Variants in ARAP2 observed in about 807,000 individuals in gnomAD.
The protein encoded by ARAP2 is arf-GAP with Rho-GAP domain, ANK repeat and PH domain-containing protein 2.
In ARAP2, 148 loss-of-function variants were observed where a neutral mutation model predicts 194.5. The observed-to-expected ratio is 0.76, with a 90% CI of 0.67 to 0.87. ARAP2 has a LOEUF of 0.87. Among genes scored for constraint, ARAP2 ranks in the 40% least tolerant of loss-of-function variants. The pLI is 0.00. For missense variants in ARAP2, 2,128 were observed against 1,989.7 expected (o/e 1.07, Z -1.32); for synonymous variants, 695 against 683.5 (o/e 1.02, Z -0.26).
chr4:36,131,837 A>G (rs1476407278), intron 20 of ARAP2, among the ~76,000 whole-genome samples: 8 of 151,776 alleles, frequency 5.3e-5, no homozygotes, highest in Admixed American at 5.3e-4. Context: ...GACTGTAACA[A>G]ATGAAGGTAA....
In ARAP2 at chr4:36,158,729, C is replaced by T; in HGVS notation, c.2752+1G>A. ...ATATCTAAAAAGAAGAGAAAAAATACCTTCAAGCAGTTTTTTCTCTGAAGA... is the reference window on the plus strand; with the variant it reads ...ATATCTAAAAAGAAGAGAAAAAATATCTTCAAGCAGTTTTTTCTCTGAAGA... On this transcript the variant is annotated splice_donor_variant, in intron 15 of 32. Coordinates refer to ENST00000303965, the MANE Select transcript of ARAP2 (RefSeq NM_015230.4). LOFTEE classifies it high-confidence loss of function. The T allele has an allele frequency of 6.3e-7, 1 of 1,597,574 alleles. No homozygotes were observed. Among genetic ancestry groups the T allele is most frequent in the Non-Finnish European group, 8.5e-7 (1 of 1,174,478 alleles).
At chr4:36,205,925 T>C (rs1745444344) in intron 6 of ARAP2, among the ~76,000 whole-genome samples, 1 of 152,232 alleles carries the variant, frequency 6.6e-6, no homozygotes, top group Non-Finnish European at 1.5e-5. Flanking sequence ...AGCTAGTGCT[T>C]TGAGAAATGC....
chr4:36,036,042 T>C (rs1191370042), intron 5 of ARAP2, among the ~76,000 whole-genome samples: 1 of 152,178 alleles, frequency 6.6e-6, no homozygotes, highest in Admixed American at 6.6e-5. Flanking sequence ...AGTTTTAAAA[T>C]AGGTCTTGCT....
intron 6 of ARAP2, among the ~76,000 whole-genome samples, chr4:36,203,716 C>T (rs955334794): frequency 6.6e-6 from 1 of 152,040 alleles, no homozygotes; most frequent in Non-Finnish European, 1.5e-5. Flanking sequence ...AAAAACCTAC[C>T]ATGATCGTCT....
intron 5 of ARAP2, among the ~76,000 whole-genome samples, chr4:36,031,024 G>A (rs1718858819): frequency 6.6e-6 from 1 of 152,090 alleles, no homozygotes; most frequent in Non-Finnish European, 1.5e-5. Context: ...CAGCTACTCG[G>A]GAGGCTGAGG....
intron 28 of ARAP2, among the ~76,000 whole-genome samples, chr4:36,083,808 A>G (rs901191041): frequency 4.6e-5 from 7 of 152,090 alleles, no homozygotes; most frequent in Non-Finnish European, 1.0e-4. Context: ...GATGCAAGGT[A>G]TTGTTCCTGG....
intron 2 of ARAP2, 83 bp downstream of exon 2, chr4:36,228,499 G>A (rs1750807078): frequency 3.6e-6 from 5 of 1,389,430 alleles, no homozygotes; most frequent in East Asian, 2.3e-5. Context: ...AATTTAGATA[G>A]GAACACTGAA....
intron 19 of ARAP2, among the ~76,000 whole-genome samples, chr4:36,134,186 G>T (rs1003803817): frequency 6.6e-6 from 1 of 151,654 alleles, no homozygotes; most frequent in Admixed American, 6.6e-5. Context: ...CTCAATAGAC[G>T]TAACATTAAT....
chr4:36,204,864 C>T (rs1357642075), intron 6 of ARAP2, among the ~76,000 whole-genome samples: 1 of 151,534 alleles, frequency 6.6e-6, no homozygotes, highest in Non-Finnish European at 1.5e-5. Flanking sequence ...TGGCAGGCGC[C>T]TGTAATCCCG....
chr4:36,011,666 TCTC>T (rs1293999745), intron 9 of ARAP2, among the ~76,000 whole-genome samples: 1 of 152,144 alleles, frequency 6.6e-6, no homozygotes, highest in African/African-American at 2.4e-5. Flanking sequence ...GCACCCTCAT[TCTC>T]CTCCTTATAT....
intron 26 of ARAP2, among the ~76,000 whole-genome samples, chr4:36,112,633 C>T (rs562214277): frequency 1.3e-5 from 2 of 151,698 alleles, no homozygotes; most frequent in African/African-American, 4.8e-5. Flanking sequence ...TCATGCCTCA[C>T]TTATTCAATA....
intron 9 of ARAP2, among the ~76,000 whole-genome samples, chr4:36,009,354 G>T (rs916120545): frequency 8.5e-5 from 13 of 152,102 alleles, no homozygotes; most frequent in Admixed American, 6.6e-4. Flanking sequence ...ATACTATGCA[G>T]CGATAAAAAA....
rs1446245592 is a variant in ARAP2, at chr4:36,147,677, T to C, written c.3070A>G (p.Lys1024Glu). The C allele has an allele frequency of 1.2e-6, 2 of 1,613,304 alleles. No individual in the cohort carries two copies. Among genetic ancestry groups the C allele is most frequent in the Admixed American group, 3.3e-5 (2 of 59,920 alleles). The part of the protein sequence containing the change: ...DYDLIGQLFY[K>E]DCHALDQWRK... ...CACTGATCCAGGGCATGGCAGTCTT[T>C]GTAGAAGAGTTGACCAATCAAATCA... Residue 1024 changes from lysine to glutamate, a missense_variant, in exon 18 of 33, where the codon AAA becomes GAA. Coordinates refer to ENST00000303965, the MANE Select transcript of ARAP2 (RefSeq NM_015230.4).
At position 36,069,246 on chromosome 4, in the gene ARAP2, C is replaced by T. The variant is rs1005036841; in HGVS notation, c.4744-968G>A. Among the ~76,000 whole-genome samples, 5 of 152,036 alleles carry T rather than the reference C, an allele frequency of 3.3e-5. No homozygotes were observed. The South Asian group carries it at 8.3e-4, about 25-fold the overall frequency. ...AAAATATTTTCATGAATATAATGTA[C>T]AAATAATTTTGAAATTTGGAATTTT... On this transcript the variant is annotated intron_variant, in intron 32 of 32. Coordinates refer to ENST00000303965, the MANE Select transcript of ARAP2 (RefSeq NM_015230.4).
chr4:36,234,498 G>A (rs1489266818), intron 1 of ARAP2, among the ~76,000 whole-genome samples: 2 of 152,092 alleles, frequency 1.3e-5, no homozygotes, highest in Non-Finnish European at 2.9e-5. Flanking sequence ...CACACATTCA[G>A]ACCATAGCAA....
At chr4:36,150,835 C>T in intron 16 of ARAP2, 65 bp downstream of exon 16, 1 of 1,520,988 alleles carries the variant, frequency 6.6e-7, no homozygotes, top group East Asian at 2.3e-5. Context: ...TAACAAAACT[C>T]TCATTACCTG....
intron 5 of ARAP2, among the ~76,000 whole-genome samples, chr4:36,027,483 A>T (rs1510657): frequency 0.74 from 111,584 of 151,140 alleles, 42,082 homozygotes; most frequent in Admixed American, 0.85. Flanking sequence ...CAGCTACAGG[A>T]TTTATTTCAT....
At chr4:36,237,031 A>C (rs1157075925) in intron 1 of ARAP2, among the ~76,000 whole-genome samples, 1 of 152,198 alleles carries the variant, frequency 6.6e-6, no homozygotes, top group Non-Finnish European at 1.5e-5. Context: ...AAGTCTACAT[A>C]CCTTTACATT....
intron 1 of ARAP2, chr4:36,243,851 A>T (rs1304736830): frequency 6.6e-6 from 1 of 152,234 alleles, no homozygotes; most frequent in East Asian, 1.9e-4. Context: ...CCGAGTAAAT[A>T]ACTTGGTGCC....
Sources: gnomAD v4.1 joint callset for allele counts (sites outside exome capture counted in the v4.1 genomes callset) on GRCh38, gnomAD v4.1.1 for gene constraint, MANE v1.5 for transcripts, NCBI Gene and HGNC (gene_info 2026-07-23, HGNC 2026-07-21) for gene names.